KLF12: variants seen among roughly 807,000 people sequenced by gnomAD.
KLF12 encodes the protein KLF transcription factor 12, also known as Krueppel-like factor 12.
A neutral mutation model predicts 37.8 loss-of-function variants in KLF12; 9 were observed. The ratio of observed to expected loss-of-function variants is 0.24; its 90% confidence interval spans 0.14 to 0.42. The LOEUF (loss-of-function observed/expected upper bound fraction) is 0.42, where lower values mean the gene tolerates loss of function less well. KLF12 is among the 10% of genes least tolerant of loss of function. KLF12 has a pLI of 1.00. For missense variants in KLF12, 411 were observed against 516.0 expected (o/e 0.80, Z 1.97); for synonymous variants, 208 against 202.1 (o/e 1.03, Z -0.25).
intron 3 of KLF12, among the ~76,000 whole-genome samples, chr13:73,935,137 G>A (rs542136710): frequency 4.6e-5 from 7 of 151,724 alleles, no homozygotes; most frequent in Admixed American, 4.6e-4. Context: ...GAGCCACAAC[G>A]CCTGGCTAAT....
At chr13:73,878,896 G>T (rs1324530352) in intron 3 of KLF12, among the ~76,000 whole-genome samples, 1 of 152,186 alleles carries the variant, frequency 6.6e-6, no homozygotes, top group African/African-American at 2.4e-5. Flanking sequence ...GCTAAGATCA[G>T]AAATGGGGGT....
intron 3 of KLF12, among the ~76,000 whole-genome samples, chr13:73,913,268 T>A (rs777500465): frequency 2.2e-4 from 33 of 152,314 alleles, no homozygotes; most frequent in Middle Eastern, 3.4e-3. Flanking sequence ...TAGTCATCAG[T>A]TTGGTAGTCA....
At chr13:73,794,733 C>G (rs1011748640) in intron 5 of KLF12, among the ~76,000 whole-genome samples, 1 of 152,150 alleles carries the variant, frequency 6.6e-6, no homozygotes, top group Non-Finnish European at 1.5e-5. Flanking sequence ...GATCTTTTCA[C>G]CATCTTCAAT....
At chr13:74,049,225 A>G (rs914001622) in intron 1 of KLF12, among the ~76,000 whole-genome samples, 10 of 152,238 alleles carry the variant, frequency 6.6e-5, no homozygotes, top group Non-Finnish European at 1.2e-4. Context: ...CATACCAAGA[A>G]CAGAGTGAGG....
intron 2 of KLF12, among the ~76,000 whole-genome samples, chr13:73,979,080 A>AT (rs1358136346): frequency 1.3e-5 from 2 of 152,220 alleles, no homozygotes; most frequent in East Asian, 3.8e-4. Flanking sequence ...ATGAAACTAT[A>AT]TCAGAGGATA....
At chr13:73,805,622 G>A (rs769953077) in intron 5 of KLF12, among the ~76,000 whole-genome samples, 10 of 40,298 alleles carry the variant, frequency 2.5e-4, no homozygotes, top group African/African-American at 2.0e-4. Context: ...GGGAGGGAGG[G>A]AGGGAGGGAG....
chr13:74,069,344 A>C (rs938408062), intron 1 of KLF12, among the ~76,000 whole-genome samples: 1 of 152,248 alleles, frequency 6.6e-6, no homozygotes, highest in Admixed American at 6.5e-5. Flanking sequence ...GGACACTGGA[A>C]AAGATTCTGT....
chr13:73,764,372 T>A (rs1879767190), intron 6 of KLF12, among the ~76,000 whole-genome samples: 1 of 152,150 alleles, frequency 6.6e-6, no homozygotes, highest in Non-Finnish European at 1.5e-5. Context: ...ATCGATAAGC[T>A]ATGTTTTCTG....
the KLF12 span, among the ~76,000 whole-genome samples, chr13:74,146,279 T>C: frequency 5.9e-5 from 9 of 152,228 alleles, no homozygotes; most frequent in Non-Finnish European, 1.0e-4. Context: ...GATTGTTCCA[T>C]GTTGTTGACC....
chr13:74,281,646 T>C, the KLF12 span, among the ~76,000 whole-genome samples: 1 of 152,216 alleles, frequency 6.6e-6, no homozygotes, highest in South Asian at 2.1e-4. Context: ...AATAAGGCTA[T>C]AGAATGAATA....
chr13:74,056,933 G>A (rs1463210459), intron 1 of KLF12, among the ~76,000 whole-genome samples: 1 of 152,140 alleles, frequency 6.6e-6, no homozygotes, highest in African/African-American at 2.4e-5. Context: ...GTATTAATGG[G>A]TCTCTAGATG....
rs150542378 is a variant in KLF12 at position 73,815,689 on chromosome 13, C to G, written c.671-2402G>C. On this transcript the variant is annotated intron_variant, in intron 4 of 7. Coordinates refer to ENST00000377669, the MANE Select transcript of KLF12 (RefSeq NM_007249.5). The stretch of plus-strand genomic sequence containing the variant: ...AAAGTTGTTGAAACATCATGCACTA[C>G]GATGCCTTTGCCAAGATACCAAATT... Among the ~76,000 whole-genome samples, 4 of 152,142 alleles carry G rather than the reference C, an allele frequency of 2.6e-5. 1 individual carries two copies. In the East Asian group the frequency reaches 7.7e-4, roughly 29 times the overall value.
intron 5 of KLF12, among the ~76,000 whole-genome samples, chr13:73,807,848 C>A (rs1882727990): frequency 6.6e-6 from 1 of 152,178 alleles, no homozygotes; most frequent in African/African-American, 2.4e-5. Flanking sequence ...CATCCTTTAG[C>A]TTGTTCCTAG....
chr13:73,799,705 CCAAT>C (rs1194321988), intron 5 of KLF12, among the ~76,000 whole-genome samples: 7 of 152,030 alleles, frequency 4.6e-5, no homozygotes, highest in Non-Finnish European at 8.8e-5. Flanking sequence ...TTTGTTTTTC[CCAAT>C]CAATTTTCTG....
intron 2 of KLF12, among the ~76,000 whole-genome samples, chr13:73,956,092 C>T (rs1324255436): frequency 6.6e-6 from 1 of 152,114 alleles, no homozygotes; most frequent in Non-Finnish European, 1.5e-5. Context: ...ATAAAGGAAA[C>T]AAAATTCATT....
the KLF12 span, among the ~76,000 whole-genome samples, chr13:74,266,645 C>A: frequency 6.6e-6 from 1 of 152,114 alleles, no homozygotes. Flanking sequence ...GCCTGAGATG[C>A]CAAATAAATC....
At chr13:73,839,025 G>T (rs574372388) in intron 4 of KLF12, among the ~76,000 whole-genome samples, 1 of 151,984 alleles carries the variant, frequency 6.6e-6, no homozygotes, top group South Asian at 2.1e-4. Flanking sequence ...ACTGGCTCAG[G>T]TATAGAAGAG....
At chr13:74,174,318 T>C in the KLF12 span, among the ~76,000 whole-genome samples, 1 of 151,580 alleles carries the variant, frequency 6.6e-6, no homozygotes, top group African/African-American at 2.4e-5. Context: ...AGTCCTTTTT[T>C]TTTCTTTCTT....
At chr13:73,984,221 G>T (rs1891761864) in intron 2 of KLF12, among the ~76,000 whole-genome samples, 1 of 152,170 alleles carries the variant, frequency 6.6e-6, no homozygotes, top group South Asian at 2.1e-4. Flanking sequence ...CTTCCCTGCA[G>T]CATGCCATCA....
Sources: allele counts gnomAD v4.1 joint callset (sites outside exome capture counted in the v4.1 genomes callset), GRCh38; gene constraint gnomAD v4.1.1; transcripts MANE v1.5; gene names NCBI Gene and HGNC (gene_info 2026-07-23, HGNC 2026-07-21).